EVL: variants seen among roughly 807,000 people sequenced by gnomAD.
The protein encoded by EVL is ena/VASP-like protein.
In EVL, 21 loss-of-function variants were observed where a neutral mutation model predicts 59.6. The observed-to-expected ratio is 0.35, with a 90% confidence interval of 0.25 to 0.51. The LOEUF is 0.51. EVL is among the 20% of genes least tolerant of loss of function. The pLI is 0.97. For synonymous variants in EVL, 198 were observed against 203.5 expected, an observed-to-expected ratio of 0.97 and a Z score of 0.23; for missense variants, 462 against 546.6, an observed-to-expected ratio of 0.85 and a Z score of 1.54.
intron 1 of EVL, among the ~76,000 whole-genome samples, chr14:100,002,518 C>T (rs1403556526): frequency 6.6e-6 from 1 of 152,076 alleles, no homozygotes; most frequent in Non-Finnish European, 1.5e-5. Context: ...GCAACACATA[C>T]CAATAACATT....
chr14:100,135,977 G>T lies in EVL; in HGVS notation c.964+9G>T, dbSNP rs1421214268. 3 of 1,613,204 alleles carry T rather than the reference G, an allele frequency of 1.9e-6. No homozygotes were observed. Among genetic ancestry groups the T allele is most frequent in the Non-Finnish European group, 2.5e-6 (3 of 1,179,992 alleles). On this transcript the variant is annotated intron_variant, in intron 9 of 13. Coordinates refer to ENST00000392920, the MANE Select transcript of EVL (RefSeq NM_016337.3). ...GCCACCTAACTCCTCAGGTGAGAGGGCGCCCCCCGCTGACCCCAGTGAGGC... is the reference window on the plus strand; with the variant it reads ...GCCACCTAACTCCTCAGGTGAGAGGTCGCCCCCCGCTGACCCCAGTGAGGC...
chr14:100,077,179 A>T (rs2062181225), intron 1 of EVL, among the ~76,000 whole-genome samples: 1 of 152,172 alleles, frequency 6.6e-6, no homozygotes, highest in African/African-American at 2.4e-5. Flanking sequence ...CTTCAACCAG[A>T]GGCGGGGGAA....
intron 1 of EVL, among the ~76,000 whole-genome samples, chr14:100,080,075 T>TC (rs1233169433): frequency 6.6e-6 from 1 of 152,010 alleles, no homozygotes; most frequent in Non-Finnish European, 1.5e-5. Flanking sequence ...TTTTTTTTTT[T>TC]TCTCTTCAGT....
At chr14:99,982,889 T>C (rs1285386130) in intron 1 of EVL, among the ~76,000 whole-genome samples, 2 of 152,238 alleles carry the variant, frequency 1.3e-5, no homozygotes, top group Non-Finnish European at 2.9e-5. Flanking sequence ...AGCTGACTTT[T>C]AGCAATTTAC....
intron 3 of EVL, among the ~76,000 whole-genome samples, chr14:100,113,923 T>C (rs947914902): frequency 3.3e-5 from 5 of 152,026 alleles, no homozygotes; most frequent in Non-Finnish European, 7.4e-5. Flanking sequence ...CATGGACCAG[T>C]GGAGAACCAC....
At chr14:100,137,256 G>A (rs959068254) in intron 9 of EVL, 2 of 421,186 alleles carry the variant, frequency 4.7e-6, no homozygotes, top group East Asian at 9.2e-5. Context: ...GAGCAAGGCT[G>A]TGCTGGGATG....
intron 1 of EVL, among the ~76,000 whole-genome samples, chr14:100,058,181 T>C (rs2061764620): frequency 6.6e-6 from 1 of 152,248 alleles, no homozygotes; most frequent in Non-Finnish European, 1.5e-5. Context: ...GAGTGTCTTC[T>C]AGTATAGCTC....
intron 1 of EVL, among the ~76,000 whole-genome samples, chr14:99,991,288 G>A (rs1251095045): frequency 4.6e-5 from 7 of 152,134 alleles, no homozygotes; most frequent in Non-Finnish European, 8.8e-5. Flanking sequence ...CTCGCTGCCA[G>A]TGCTCATTTA....
Position 100,109,461 on chromosome 14 carries a change from G to T in EVL, c.358+11803G>T. 1 of 404,348 alleles carries T rather than the reference G, an allele frequency of 2.5e-6. No homozygotes were observed. 25.0% of individuals were successfully genotyped at this position (404,348 alleles called of 1,614,324 possible). A position where few individuals can be genotyped will look rare whatever the true frequency, so the allele number is the denominator to read the frequency against. On this transcript the variant is annotated intron_variant, in intron 3 of 13. Coordinates refer to ENST00000392920, the MANE Select transcript of EVL (RefSeq NM_016337.3). This position sits in a 1 kb window ranked among gnomAD's most constrained non-coding sequence, Gnocchi z 4.3. ...CTAGACTGTGAGCTCCTCGAGGGCA[G>T]GTGTCTGTTTCTGTGTCTCGGGAGC...
chr14:100,122,332 G>A (rs977201234), intron 3 of EVL, among the ~76,000 whole-genome samples: 3 of 152,228 alleles, frequency 2.0e-5, no homozygotes, highest in African/African-American at 7.2e-5. Flanking sequence ...CCTTGGGCAA[G>A]CCATTTAGCC....
intron 1 of EVL, among the ~76,000 whole-genome samples, chr14:99,975,349 TAG>T (rs2060763112): frequency 1.3e-5 from 2 of 152,218 alleles, no homozygotes; most frequent in African/African-American, 4.8e-5. Context: ...TATTTATAAT[TAG>T]AGTTTTTAGG....
At chr14:100,122,247 C>A (rs551249901) in intron 3 of EVL, among the ~76,000 whole-genome samples, 4 of 152,308 alleles carry the variant, frequency 2.6e-5, no homozygotes, top group African/African-American at 9.6e-5. Context: ...CAATCTGACA[C>A]CACTGTCTGA....
At chr14:100,123,494 C>G (rs1476454633) in intron 3 of EVL, 45 bp from the exon 4 acceptor site, 1 of 1,607,088 alleles carries the variant, frequency 6.2e-7, no homozygotes, top group African/African-American at 1.3e-5. Context: ...TTGCTGGGGC[C>G]TTTCTTCCTC....
At chr14:100,023,321 T>A (rs2061158111) in intron 1 of EVL, among the ~76,000 whole-genome samples, 1 of 149,976 alleles carries the variant, frequency 6.7e-6, no homozygotes, top group African/African-American at 2.5e-5. Context: ...TCTCCTGCCC[T>A]AGCCTCCTGA....
At chr14:100,136,012 C>CA (rs1888762047) in intron 9 of EVL, 44 bp downstream of exon 9, 7 of 1,605,420 alleles carry the variant, frequency 4.4e-6, no homozygotes, top group African/African-American at 1.3e-5. Context: ...CATGAGGTCT[C>CA]AGAGTGGGAG....
intron 5 of EVL, among the ~76,000 whole-genome samples, chr14:100,128,272 C>T (rs1424259425): frequency 6.6e-6 from 1 of 152,224 alleles, no homozygotes; most frequent in African/African-American, 2.4e-5. Flanking sequence ...GAATGTTAAG[C>T]AAATAGAGGA....
chr14:100,097,423 C>G, intron 2 of EVL, 58 bp from the exon 3 acceptor site: 3 of 1,502,426 alleles, frequency 2.0e-6, no homozygotes, highest in Non-Finnish European at 2.7e-6. Flanking sequence ...TCGCAGCGCC[C>G]TCGAGCTCAC....
At chr14:100,018,211 G>A (rs981701570) in intron 1 of EVL, among the ~76,000 whole-genome samples, 3 of 152,236 alleles carry the variant, frequency 2.0e-5, no homozygotes. Context: ...GCGCTGCCCT[G>A]TGGGAATCTC....
intron 4 of EVL, among the ~76,000 whole-genome samples, 171 bp from the exon 5 acceptor site, chr14:100,126,536 G>GC (rs1888081971): frequency 6.6e-6 from 1 of 152,226 alleles, no homozygotes; most frequent in Non-Finnish European, 1.5e-5. Flanking sequence ...GCTGGACCCA[G>GC]TCACATCCCC....
Sources: gnomAD v4.1 joint callset for allele counts (sites outside exome capture counted in the v4.1 genomes callset) on GRCh38, gnomAD v4.1.1 for gene constraint, Gnocchi (gnomAD v3.1) non-coding constraint, MANE v1.5 for transcripts, NCBI Gene and HGNC (gene_info 2026-07-23, HGNC 2026-07-21) for gene names.